The following HPCAL1 variants were observed in gnomAD, a reference collection of about 807,000 sequenced individuals.
The protein encoded by HPCAL1 is hippocalcin-like protein 1.
A neutral mutation model predicts 17.1 loss-of-function variants in HPCAL1; 8 were observed. The observed-to-expected ratio is 0.47, with a 90% CI of 0.27 to 0.84. The LOEUF (loss-of-function observed/expected upper bound fraction) is 0.84, where lower values mean the gene tolerates loss of function less well. Ranked by LOEUF, HPCAL1 falls within the 40% of genes least tolerant of loss-of-function variation. The pLI is 0.13. For missense variants in HPCAL1, 165 were observed against 271.1 expected (o/e 0.61, Z 2.75); for synonymous variants, 112 against 111.4 (o/e 1.01, Z -0.03).
At chr2:10,382,805 G>A (rs1378779683) in intron 1 of HPCAL1, among the ~76,000 whole-genome samples, 2 of 152,134 alleles carry the variant, frequency 1.3e-5, no homozygotes, top group East Asian at 3.9e-4. Flanking sequence ...GTGTGGGAGT[G>A]TGCTCTCCAC....
chr2:10,365,466 G>A lies in HPCAL1; in HGVS notation c.-110-31369G>A, dbSNP rs1432999882. 1.3e-5 allele frequency among the ~76,000 whole-genome samples: 2 copies of A among 152,210 alleles called. No individual in the cohort carries two copies. Among genetic ancestry groups the A allele is most frequent in the Admixed American group, 6.5e-5 (1 of 15,280 alleles). Reference sequence around the variant, plus strand: ...TGTGCAGGAGTTGGAGGTAGAGCGGGTCGAAGGCTTGCGGAGGGACAGGTG... The same window carrying A: ...TGTGCAGGAGTTGGAGGTAGAGCGGATCGAAGGCTTGCGGAGGGACAGGTG... On this transcript the variant is annotated intron_variant, in intron 1 of 4. Coordinates refer to ENST00000307845, the MANE Select transcript of HPCAL1 (RefSeq NM_002149.4). This position sits in a 1 kb window ranked among gnomAD's most constrained non-coding sequence, Gnocchi z 4.8.
intron 4 of HPCAL1, chr2:10,423,325 G>A (rs566036351): frequency 3.7e-5 from 20 of 535,818 alleles, no homozygotes; most frequent in Non-Finnish European, 4.1e-5. Context: ...GCCTCTCTGA[G>A]CCACTGTCTC....
At chr2:10,390,920 C>G (rs1027047905) in intron 1 of HPCAL1, among the ~76,000 whole-genome samples, 2 of 152,200 alleles carry the variant, frequency 1.3e-5, no homozygotes. Context: ...AGTCTAAACT[C>G]CTTAGAGAAC....
Position 10,363,638 on chromosome 2 carries a change from T to G in HPCAL1, c.-110-33197T>G, listed in dbSNP as rs1373575427. 6.6e-6 allele frequency among the ~76,000 whole-genome samples: 1 copy of G among 152,186 alleles called. No homozygotes were observed. Among genetic ancestry groups the G allele is most frequent in the Non-Finnish European group, 1.5e-5 (1 of 68,028 alleles). On this transcript the variant is annotated intron_variant, in intron 1 of 4. Transcript: ENST00000307845. The surrounding 1 kb of genome is among the most constrained non-coding windows in gnomAD (Gnocchi z 4.7). ...AGCTAAAGTGCAGATTCCTGGGTCATCCCAGACCTGCTGAAGCCAAATCTT... is the reference window on the plus strand; with the variant it reads ...AGCTAAAGTGCAGATTCCTGGGTCAGCCCAGACCTGCTGAAGCCAAATCTT...
intron 1 of HPCAL1, among the ~76,000 whole-genome samples, chr2:10,357,113 TA>T (rs923925242): frequency 2.0e-5 from 3 of 151,016 alleles, no homozygotes; most frequent in Non-Finnish European, 4.4e-5. Flanking sequence ...ACTCTGTGTC[TA>T]AAAAAAAAGA....
At position 10,323,080 on chromosome 2, in the gene HPCAL1, C is replaced by T. The variant is rs1259664217; in HGVS notation, c.-111+19903C>T. Among the ~76,000 whole-genome samples, 1 of 152,160 alleles carries T rather than the reference C, an allele frequency of 6.6e-6. No homozygotes were observed. Among genetic ancestry groups the T allele is most frequent in the Non-Finnish European group, 1.5e-5 (1 of 68,026 alleles). ...TCAGGATTCAGCTATCCCAGGCTGA[C>T]CCTGAGGTCCACCATGACTGTGCTG... On this transcript the variant is annotated intron_variant, in intron 1 of 4. Coordinates refer to ENST00000307845, the MANE Select transcript of HPCAL1 (RefSeq NM_002149.4). This position sits in a 1 kb window ranked among gnomAD's most constrained non-coding sequence, Gnocchi z 4.6.
chr2:10,362,397 G>C lies in HPCAL1; in HGVS notation c.-110-34438G>C, dbSNP rs1271375758. 6.6e-6 allele frequency among the ~76,000 whole-genome samples: 1 copy of C among 152,172 alleles called. No homozygotes were observed. The highest frequency in any genetic ancestry group is 1.5e-5 in the Non-Finnish European group (1 of 68,026). On this transcript the variant is annotated intron_variant, in intron 1 of 4. Transcript: ENST00000307845. The surrounding 1 kb of genome is among the most constrained non-coding windows in gnomAD (Gnocchi z 5.0). ...CAGAGCCTCGAATGCCTGAGTCCTG[G>C]CTCCAGAGAGAGGCCAGCCTGAGCT...
intron 2 of HPCAL1, among the ~76,000 whole-genome samples, chr2:10,405,351 C>G (rs372678908): frequency 3.3e-5 from 5 of 152,252 alleles, no homozygotes; most frequent in African/African-American, 9.6e-5. Context: ...ACTGGCAACT[C>G]TAGCCCAGCC....
intron 1 of HPCAL1, among the ~76,000 whole-genome samples, chr2:10,380,011 C>T (rs1274062623): frequency 6.6e-6 from 1 of 152,172 alleles, no homozygotes; most frequent in Non-Finnish European, 1.5e-5. Flanking sequence ...GGATTCCTGA[C>T]CTGAGTCCAT....
intron 2 of HPCAL1, among the ~76,000 whole-genome samples, chr2:10,402,253 C>T (rs999118726): frequency 2.0e-5 from 3 of 152,160 alleles, no homozygotes; most frequent in Non-Finnish European, 2.9e-5. Flanking sequence ...CTTGCTTTCC[C>T]GACCAGACTG....
intron 2 of HPCAL1, among the ~76,000 whole-genome samples, chr2:10,416,354 A>AG (rs1239363491): frequency 3.9e-5 from 6 of 152,114 alleles, no homozygotes; most frequent in Non-Finnish European, 8.8e-5. Context: ...TGACAGCCGG[A>AG]GGGGGGCTTT....
At chr2:10,424,539 C>G (rs1167802409) in intron 4 of HPCAL1, 1 of 471,076 alleles carries the variant, frequency 2.1e-6, no homozygotes, top group South Asian at 1.5e-5. Context: ...CCTGGGGAAG[C>G]CACCCATGGT....
chr2:10,364,640 G>T (rs931835822), intron 1 of HPCAL1, among the ~76,000 whole-genome samples: 1 of 151,376 alleles, frequency 6.6e-6, no homozygotes, highest in Non-Finnish European at 1.5e-5. Flanking sequence ...GCTGGAGTGC[G>T]GTGGTGCGAT....
chr2:10,333,120 C>T (rs1254582237), intron 1 of HPCAL1, among the ~76,000 whole-genome samples: 2 of 152,340 alleles, frequency 1.3e-5, no homozygotes, highest in African/African-American at 4.8e-5. Flanking sequence ...ACGATCTCTG[C>T]ACTGGGTCTT....
chr2:10,420,209 C>CTTT (rs369044166), intron 3 of HPCAL1, 74 bp downstream of exon 3: 79,629 of 552,056 alleles, frequency 0.14, 5,600 homozygotes, highest in African/African-American at 0.27. Context: ...CAGCCCAGGG[C>CTTT]TTTTTTTTTT....
intron 1 of HPCAL1, among the ~76,000 whole-genome samples, chr2:10,387,535 C>T (rs1193634945): frequency 6.6e-6 from 1 of 152,246 alleles, no homozygotes; most frequent in Non-Finnish European, 1.5e-5. Context: ...TGCTGGTAAG[C>T]AGGCGATACT....
rs1384325230 is a variant in HPCAL1, at chr2:10,384,255, C to T, written c.-110-12580C>T. ...TTCAGTCACATCAGATGAGCTGCTT[C>T]CCCTCACTAGGAGTGGATGGGGCTG... On this transcript the variant is annotated intron_variant, in intron 1 of 4. Transcript: ENST00000307845. This position sits in a 1 kb window ranked among gnomAD's most constrained non-coding sequence, Gnocchi z 4.4. 6.6e-6 allele frequency among the ~76,000 whole-genome samples: 1 copy of T among 152,188 alleles called. No individual in the cohort carries two copies. The highest frequency in any genetic ancestry group is 1.5e-5 in the Non-Finnish European group (1 of 68,020).
At chr2:10,351,896 CTTCT>C (rs948135004) in intron 1 of HPCAL1, among the ~76,000 whole-genome samples, 18 of 148,732 alleles carry the variant, frequency 1.2e-4, no homozygotes, top group South Asian at 2.2e-4. Flanking sequence ...TCCTTCCTTC[CTTCT>C]TTCTTTCTTT....
chr2:10,357,251 A>G (rs1572708963), intron 1 of HPCAL1, among the ~76,000 whole-genome samples: 1 of 152,350 alleles, frequency 6.6e-6, no homozygotes, highest in East Asian at 1.9e-4. Flanking sequence ...AGAGGCTTGC[A>G]GTACCCACCA....
Sources: allele counts gnomAD v4.1 joint callset (sites outside exome capture counted in the v4.1 genomes callset), GRCh38; gene constraint gnomAD v4.1.1; non-coding constraint Gnocchi (gnomAD v3.1); transcripts MANE v1.5; gene names NCBI Gene and HGNC (gene_info 2026-07-23, HGNC 2026-07-21).